Variants in SRGAP1 observed in about 807,000 individuals in gnomAD.
SRGAP1 encodes the protein SLIT-ROBO Rho GTPase-activating protein 1.
A neutral mutation model predicts 121.9 loss-of-function variants in SRGAP1; 43 were observed. That is an observed-to-expected ratio of 0.35 (90% CI 0.28 to 0.46). The LOEUF (loss-of-function observed/expected upper bound fraction) is 0.46, where lower values mean the gene tolerates loss of function less well. SRGAP1 is among the 20% of genes least tolerant of loss of function. The pLI is 1.00. For synonymous variants in SRGAP1, 447 were observed against 485.4 expected (o/e 0.92, Z 1.04); for missense variants, 1,102 against 1,350.9 (o/e 0.82, Z 2.89).
intron 1 of SRGAP1, among the ~76,000 whole-genome samples, chr12:63,892,067 C>T (rs553670767): frequency 1.1e-4 from 16 of 151,526 alleles, no homozygotes; most frequent in African/African-American, 1.5e-4. Context: ...TTCTACCATA[C>T]GACTCTTTTT....
At chr12:63,858,194 G>A (rs1899319167) in intron 1 of SRGAP1, among the ~76,000 whole-genome samples, 1 of 150,744 alleles carries the variant, frequency 6.6e-6, no homozygotes, top group Admixed American at 6.7e-5. Flanking sequence ...GTGTGTGTGT[G>A]TGTGTGTGTG....
chr12:63,975,059 A>G (rs2033057518), intron 1 of SRGAP1, among the ~76,000 whole-genome samples: 1 of 152,192 alleles, frequency 6.6e-6, no homozygotes. Flanking sequence ...TTCATTATAC[A>G]TTTAATAATT....
At chr12:63,929,971 A>G (rs915801078) in intron 1 of SRGAP1, among the ~76,000 whole-genome samples, 3 of 152,210 alleles carry the variant, frequency 2.0e-5, no homozygotes, top group Non-Finnish European at 4.4e-5. Flanking sequence ...CATCAGAGAA[A>G]TGCAAAACAA....
intron 8 of SRGAP1, 138 bp downstream of exon 8, chr12:64,065,357 A>G (rs1272134778): frequency 1.3e-6 from 1 of 754,652 alleles, no homozygotes; most frequent in African/African-American, 1.8e-5. Context: ...GGGTTCCTGT[A>G]GTACTCTTTG....
At chr12:64,022,658 T>C (rs1011568594) in intron 4 of SRGAP1, among the ~76,000 whole-genome samples, 3 of 152,194 alleles carry the variant, frequency 2.0e-5, no homozygotes, top group Non-Finnish European at 4.4e-5. Flanking sequence ...GGGTCAATGC[T>C]TAAATCACAG....
At chr12:64,004,227 T>C (rs1565633168) in intron 3 of SRGAP1, among the ~76,000 whole-genome samples, 1 of 152,096 alleles carries the variant, frequency 6.6e-6, no homozygotes, top group Non-Finnish European at 1.5e-5. Flanking sequence ...TAAACAAACA[T>C]GGGGTAGGTC....
intron 16 of SRGAP1, among the ~76,000 whole-genome samples, chr12:64,109,916 C>G (rs952588673): frequency 2.0e-5 from 3 of 152,122 alleles, no homozygotes; most frequent in South Asian, 2.1e-4. Flanking sequence ...AGCTTGACCC[C>G]AAGAGCCAAG....
Position 63,891,897 on chromosome 12 carries a change from A to G in SRGAP1, c.67+47014A>G, listed in dbSNP as rs1370555556. ...AGCTACTGTGGGGCTGAGGCATGAC[A>G]TTTGCTTGAACCCAGGAGGCAGAGG... On this transcript the variant is annotated intron_variant, in intron 1 of 21. Coordinates refer to ENST00000355086, the MANE Select transcript of SRGAP1 (RefSeq NM_020762.4). Among the ~76,000 whole-genome samples the G allele has an allele frequency of 2.0e-5, 3 of 150,508 alleles. No individual in the cohort carries two copies. The East Asian group carries it at 5.9e-4, about 30-fold the overall frequency.
intron 3 of SRGAP1, among the ~76,000 whole-genome samples, chr12:64,012,646 A>C (rs2136457811): frequency 7.7e-6 from 1 of 130,216 alleles, no homozygotes; most frequent in Non-Finnish European, 1.5e-5. Context: ...TCGAACTCTT[A>C]GGTTCAAGAG....
chr12:64,139,157 C>A lies in SRGAP1; in HGVS notation c.2881-3138C>A, dbSNP rs61459041. 2.2e-3 allele frequency among the ~76,000 whole-genome samples: 338 copies of A among 152,280 alleles called. 2 individuals are homozygous for A. Among genetic ancestry groups the A allele is most frequent in the African/African-American group, 7.6e-3 (316 of 41,552 alleles). ...AAGGCAAGATACCTAATATGTCTGA[C>A]CCTGCCCATCAGCTGCCAATAATGC... On this transcript the variant is annotated intron_variant, in intron 21 of 21. Transcript: ENST00000355086.
intron 4 of SRGAP1, among the ~76,000 whole-genome samples, chr12:64,020,843 C>CAAAAAAAAA (rs34144761): frequency 1.3e-4 from 9 of 69,994 alleles, no homozygotes; most frequent in African/African-American, 2.7e-4. Flanking sequence ...GACTCCGTCT[C>CAAAAAAAAA]AAAAAAAAAA....
chr12:63,856,825 A>G (rs1899267898), intron 1 of SRGAP1, among the ~76,000 whole-genome samples: 1 of 152,170 alleles, frequency 6.6e-6, no homozygotes, highest in Non-Finnish European at 1.5e-5. Flanking sequence ...TTCCATTGAA[A>G]ACACATTGGC....
At chr12:63,852,939 G>A (rs1411940218) in intron 1 of SRGAP1, among the ~76,000 whole-genome samples, 1 of 151,366 alleles carries the variant, frequency 6.6e-6, no homozygotes, top group Non-Finnish European at 1.5e-5. Flanking sequence ...GGAATAATTT[G>A]GAATAATAAT....
intron 6 of SRGAP1, among the ~76,000 whole-genome samples, chr12:64,052,901 C>T (rs1049166805): frequency 3.9e-5 from 6 of 152,080 alleles, no homozygotes; most frequent in East Asian, 3.8e-4. Flanking sequence ...ACATGTACAA[C>T]GTTTTCACAA....
At chr12:64,110,676 G>A (rs879020362) in intron 16 of SRGAP1, among the ~76,000 whole-genome samples, 2 of 152,124 alleles carry the variant, frequency 1.3e-5, no homozygotes, top group Admixed American at 1.3e-4. Context: ...TTCTTATTCA[G>A]AATCTCCATT....
intron 4 of SRGAP1, among the ~76,000 whole-genome samples, chr12:64,025,589 A>G (rs1354089166): frequency 6.6e-6 from 1 of 152,224 alleles, no homozygotes; most frequent in Non-Finnish European, 1.5e-5. Flanking sequence ...AAGGAGTAGG[A>G]ATATGTAAAA....
In SRGAP1 at chr12:64,142,935, C is replaced by T. The variant is rs928849204; in HGVS notation, c.*263C>T. On this transcript the variant is annotated 3_prime_UTR_variant, in exon 22 of 22. Coordinates refer to ENST00000355086, the MANE Select transcript of SRGAP1 (RefSeq NM_020762.4). ...CTTACTTGAAAATCCAATGCTGCACCACTTGTAATGAAGGCAACACCGCTC... is the reference window on the plus strand; with the variant it reads ...CTTACTTGAAAATCCAATGCTGCACTACTTGTAATGAAGGCAACACCGCTC... 3 of 448,448 alleles carry T rather than the reference C, an allele frequency of 6.7e-6. No individual in the cohort carries two copies. Among genetic ancestry groups the T allele is most frequent in the Non-Finnish European group, 1.2e-5 (3 of 248,456 alleles). 27.8% of individuals were successfully genotyped at this position (448,448 alleles called of 1,614,324 possible).
chr12:64,013,162 T>C (rs563881692), intron 3 of SRGAP1, among the ~76,000 whole-genome samples: 22 of 152,330 alleles, frequency 1.4e-4, no homozygotes, highest in African/African-American at 4.8e-4. Flanking sequence ...GGTTTAAAGA[T>C]TGCTTCTTTG....
chr12:63,932,820 C>T (rs1032313745), intron 1 of SRGAP1, among the ~76,000 whole-genome samples: 4 of 152,160 alleles, frequency 2.6e-5, no homozygotes, highest in African/African-American at 9.7e-5. Context: ...GCATTTTTTC[C>T]TGCATTCTGA....
Sources: gnomAD v4.1 joint callset for allele counts (sites outside exome capture counted in the v4.1 genomes callset) on GRCh38, gnomAD v4.1.1 for gene constraint, MANE v1.5 for transcripts, NCBI Gene and HGNC (gene_info 2026-07-23, HGNC 2026-07-21) for gene names.